The following KHDRBS2 variants were observed in gnomAD, a reference collection of about 807,000 sequenced individuals.
KHDRBS2 encodes KH domain-containing, RNA-binding, signal transduction-associated protein 2.
A neutral mutation model predicts 44.3 loss-of-function variants in KHDRBS2; 26 were observed. That is an observed-to-expected ratio of 0.59 (90% CI 0.43 to 0.81). The LOEUF is 0.81. Ranked by LOEUF, KHDRBS2 falls within the 40% of genes least tolerant of loss-of-function variation. KHDRBS2 has a pLI of 0.00. For missense variants in KHDRBS2, 476 were observed against 433.1 expected (o/e 1.10, Z -0.88); for synonymous variants, 194 against 151.1 (o/e 1.28, Z -2.08).
chr6:61,701,112 C>T (rs1333738533), intron 7 of KHDRBS2, among the ~76,000 whole-genome samples: 2 of 151,746 alleles, frequency 1.3e-5, no homozygotes, highest in Non-Finnish European at 2.9e-5. Context: ...TATGCCATTG[C>T]CAGTGACAAC....
chr6:61,725,272 A>T (rs1773374770), intron 7 of KHDRBS2, among the ~76,000 whole-genome samples: 1 of 152,208 alleles, frequency 6.6e-6, no homozygotes, highest in Non-Finnish European at 1.5e-5. Context: ...AATGTACCAG[A>T]AACTCTGGGA....
chr6:62,061,427 T>C (rs1791839240), intron 2 of KHDRBS2, among the ~76,000 whole-genome samples: 1 of 151,406 alleles, frequency 6.6e-6, no homozygotes, highest in South Asian at 2.1e-4. Context: ...TCTCCTTCAC[T>C]TATGAAGCTT....
chr6:61,973,721 T>C (rs1475788595), intron 4 of KHDRBS2, among the ~76,000 whole-genome samples: 2 of 152,134 alleles, frequency 1.3e-5, no homozygotes, highest in African/African-American at 2.4e-5. Flanking sequence ...TATATATATA[T>C]CTTTCCTTTA....
intron 4 of KHDRBS2, among the ~76,000 whole-genome samples, chr6:61,963,230 A>G (rs755111587): frequency 2.6e-5 from 4 of 152,192 alleles, no homozygotes; most frequent in African/African-American, 4.8e-5. Flanking sequence ...ATTATAAATT[A>G]TGGTATTTAA....
chr6:61,581,453 G>T, the KHDRBS2 span, among the ~76,000 whole-genome samples: 2 of 150,734 alleles, frequency 1.3e-5, no homozygotes, highest in African/African-American at 4.9e-5. Context: ...TGTCAAATTT[G>T]AATTAAAAGC....
At chr6:61,869,866 C>T (rs1311468381) in intron 6 of KHDRBS2, among the ~76,000 whole-genome samples, 6 of 152,096 alleles carry the variant, frequency 3.9e-5, no homozygotes, top group Non-Finnish European at 5.9e-5. Flanking sequence ...AACCTGCAGA[C>T]CAGGAGATTC....
At chr6:62,162,969 T>G (rs1195993429) in intron 2 of KHDRBS2, among the ~76,000 whole-genome samples, 1 of 152,012 alleles carries the variant, frequency 6.6e-6, no homozygotes, top group Admixed American at 6.6e-5. Context: ...GATATCCATA[T>G]GTTGATGTCA....
At chr6:62,245,102 G>T (rs1835325928) in intron 1 of KHDRBS2, among the ~76,000 whole-genome samples, 2 of 152,096 alleles carry the variant, frequency 1.3e-5, no homozygotes, top group African/African-American at 4.8e-5. Context: ...AAGGGTTTTT[G>T]GAGACTCATT....
At chr6:62,161,283 A>G (rs1355405454) in intron 2 of KHDRBS2, among the ~76,000 whole-genome samples, 1 of 151,980 alleles carries the variant, frequency 6.6e-6, no homozygotes, top group Non-Finnish European at 1.5e-5. Context: ...ATTTAAAGTA[A>G]TTACAGTTGG....
At chr6:62,043,881 G>A (rs188194582) in intron 3 of KHDRBS2, among the ~76,000 whole-genome samples, 16 of 151,910 alleles carry the variant, frequency 1.1e-4, no homozygotes, top group Admixed American at 5.3e-4. Context: ...AAAACAAAAC[G>A]AAATGAGTTT....
At position 61,732,750 on chromosome 6, in the gene KHDRBS2, G is replaced by A. The variant is rs967536302; in HGVS notation, c.825C>T (p.Gly275=). Residue 275 remains glycine, a synonymous_variant, in exon 7 of 9, where the codon GGC becomes GGT. Coordinates refer to ENST00000281156, the MANE Select transcript of KHDRBS2 (RefSeq NM_152688.4). ...EAYEEYGYDD[G]YGGEYDDQTY... is the part of the protein sequence containing the mutation. ...TCTGGTCATCATATTCACCCCCGTA[G>A]CCATCATCATAACCCTGAGACAAAA... 4.4e-6 allele frequency: 7 copies of A among 1,603,912 alleles called. No homozygotes were observed. The highest frequency in any genetic ancestry group is 4.0e-5 in the African/African-American group (3 of 74,622).
chr6:61,782,821 G>C (rs912839085), intron 6 of KHDRBS2, among the ~76,000 whole-genome samples: 2 of 150,032 alleles, frequency 1.3e-5, no homozygotes, highest in African/African-American at 4.9e-5. Flanking sequence ...AGCATGGCTG[G>C]ACTTACTTCA....
intron 6 of KHDRBS2, among the ~76,000 whole-genome samples, chr6:61,791,630 TGAAAAGAATGTGATTCTGCA>T (rs1367796219): frequency 6.6e-6 from 1 of 151,452 alleles, no homozygotes; most frequent in Non-Finnish European, 1.5e-5. Flanking sequence ...CGCATGCGCT[TGAAAAGAATGTGATTCTGCA>T]GTTGCTGGAT....
the KHDRBS2 span, among the ~76,000 whole-genome samples, chr6:61,580,585 A>T: frequency 2.4e-3 from 363 of 152,212 alleles, no homozygotes; most frequent in African/African-American, 8.4e-3. Context: ...ACTCAGGGTG[A>T]GAGTCTGTGG....
intron 8 of KHDRBS2, among the ~76,000 whole-genome samples, chr6:61,688,648 A>G (rs1290966880): frequency 2.6e-5 from 4 of 151,938 alleles, no homozygotes; most frequent in Non-Finnish European, 5.9e-5. Context: ...GAAATGAGCC[A>G]TAGTTATAGC....
the KHDRBS2 span, among the ~76,000 whole-genome samples, chr6:61,648,710 C>T: frequency 2.6e-5 from 4 of 152,088 alleles, no homozygotes; most frequent in South Asian, 2.1e-4. Flanking sequence ...GGGAAGGAGA[C>T]AGTTTTATCT....
intron 2 of KHDRBS2, among the ~76,000 whole-genome samples, chr6:62,076,338 T>C (rs748589599): frequency 2.6e-4 from 40 of 152,076 alleles, no homozygotes; most frequent in East Asian, 9.7e-4. Flanking sequence ...GTTGACATGA[T>C]TAAATTATAA....
At chr6:61,599,461 G>GCC in the KHDRBS2 span, among the ~76,000 whole-genome samples, 11 of 151,738 alleles carry the variant, frequency 7.2e-5, no homozygotes, top group East Asian at 3.9e-4. Context: ...AGAAGATGTA[G>GCC]CCCCCCCAAA....
At chr6:62,110,308 G>A (rs562946972) in intron 2 of KHDRBS2, among the ~76,000 whole-genome samples, 2 of 152,050 alleles carry the variant, frequency 1.3e-5, no homozygotes, top group East Asian at 3.9e-4. Context: ...ATATGATTCA[G>A]CCATTCAAAT....
Sources: gnomAD v4.1 joint callset for allele counts (sites outside exome capture counted in the v4.1 genomes callset) on GRCh38, gnomAD v4.1.1 for gene constraint, MANE v1.5 for transcripts, NCBI Gene and HGNC (gene_info 2026-07-23, HGNC 2026-07-21) for gene names.